Variants in SAMMSON observed in about 807,000 individuals in gnomAD.
SAMMSON encodes long intergenic non-protein coding RNA 1212.
At chr3:70,149,971 A>C (rs1000421996) in intron 4 of SAMMSON, among the ~76,000 whole-genome samples, 1 of 152,080 alleles carries the variant, frequency 6.6e-6, no homozygotes, top group Non-Finnish European at 1.5e-5. Context: ...TTACGTGTCC[A>C]GCTCTTTCTT....
At chr3:70,249,652 A>G (rs1169931563) in exon 6 of SAMMSON, 1 of 152,082 alleles carries the variant, frequency 6.6e-6, no homozygotes, top group Non-Finnish European at 1.5e-5. Context: ...AGAGCTGCCA[A>G]TTCCACAGTA....
chr3:70,303,688 T>G (rs1408171169), intron 7 of SAMMSON, among the ~76,000 whole-genome samples: 2 of 152,182 alleles, frequency 1.3e-5, no homozygotes, highest in African/African-American at 4.8e-5. Context: ...CTTTATTTTA[T>G]TTTATTTTTC....
chr3:70,034,077 G>A lies in SAMMSON; in HGVS notation n.417+20405G>A, dbSNP rs577641643. Among the ~76,000 whole-genome samples the A allele has an allele frequency of 3.9e-5, 6 of 152,210 alleles. No homozygotes were observed. The East Asian group carries it at 1.2e-3, about 30-fold the overall frequency. ...AGAAATTTGAAAGTTATTAACTTTT[G>A]TACTGGATACCATGGAATTAGATGA... On this transcript the variant is annotated intron_variant and non_coding_transcript_variant, in intron 3 of 9. Transcript: ENST00000642114.
intron 3 of SAMMSON, among the ~76,000 whole-genome samples, chr3:70,023,091 G>T (rs991897162): frequency 2.0e-5 from 3 of 152,084 alleles, no homozygotes; most frequent in African/African-American, 7.2e-5. Flanking sequence ...TCTCTGCTTT[G>T]ATGTTGGCTT....
At chr3:70,233,256 A>G (rs1193367488) in intron 4 of SAMMSON, among the ~76,000 whole-genome samples, 2 of 152,272 alleles carry the variant, frequency 1.3e-5, no homozygotes, top group African/African-American at 2.4e-5. Flanking sequence ...TCTGCAAAAG[A>G]TAAAAGCTGA....
intron 6 of SAMMSON, among the ~76,000 whole-genome samples, chr3:70,255,260 T>G (rs373596804): frequency 1.3e-5 from 2 of 152,176 alleles, no homozygotes; most frequent in African/African-American, 4.8e-5. Flanking sequence ...CAATGACACA[T>G]AAATTTTTGT....
intron 4 of SAMMSON, among the ~76,000 whole-genome samples, chr3:70,243,001 C>T (rs1479712456): frequency 1.3e-5 from 2 of 152,146 alleles, no homozygotes; most frequent in African/African-American, 4.8e-5. Flanking sequence ...AAGAGCAGAA[C>T]GATATAACCG....
chr3:70,342,363 G>A (rs1198793062), intron 7 of SAMMSON, among the ~76,000 whole-genome samples: 1 of 152,152 alleles, frequency 6.6e-6, no homozygotes, highest in East Asian at 1.9e-4. Flanking sequence ...TTGTTAATAA[G>A]TGGAAAATTT....
At chr3:70,222,004 A>G (rs6808840) in intron 4 of SAMMSON, among the ~76,000 whole-genome samples, 70,539 of 151,958 alleles carry the variant, frequency 0.46, 16,595 homozygotes, top group East Asian at 0.71. Context: ...AAAAATGTCA[A>G]GTGTTCCATA....
At position 70,343,317 on chromosome 3, in the gene SAMMSON, C is replaced by T. The variant is rs559468563; in HGVS notation, n.740-10858C>T. Among the ~76,000 whole-genome samples, 16 of 151,876 alleles carry T rather than the reference C, an allele frequency of 1.1e-4. No individual in the cohort carries two copies. In the South Asian group the frequency reaches 2.1e-3, roughly 20 times the overall value. ...TTAATATTAACTAAAGGTTCTTTTT[C>T]GGTTCCAGGATGTCATATAGGATAC... On this transcript the variant is annotated intron_variant and non_coding_transcript_variant, in intron 7 of 9. Coordinates refer to ENST00000642114, the Ensembl canonical transcript of SAMMSON.
Position 70,191,959 on chromosome 3 carries a change from A to G in SAMMSON, n.508-57148A>G, listed in dbSNP as rs569761750. Among the ~76,000 whole-genome samples, 4 of 150,094 alleles carry G rather than the reference A, an allele frequency of 2.7e-5. No individual in the cohort carries two copies. The East Asian group carries it at 7.7e-4, about 29-fold the overall frequency. Reference sequence around the variant, plus strand: ...TTAGAGAATGTAATAATATACCAAAATACTTAAATATTTTCTATATGATAT... The same window carrying G: ...TTAGAGAATGTAATAATATACCAAAGTACTTAAATATTTTCTATATGATAT... On this transcript the variant is annotated intron_variant and non_coding_transcript_variant, in intron 4 of 9. Coordinates refer to ENST00000642114, the Ensembl canonical transcript of SAMMSON.
At chr3:70,287,595 C>T (rs1470597558) in intron 6 of SAMMSON, among the ~76,000 whole-genome samples, 1 of 152,076 alleles carries the variant, frequency 6.6e-6, no homozygotes, top group South Asian at 2.1e-4. Flanking sequence ...GGAGGATTCC[C>T]TCTTTTTCTA....
At chr3:70,372,646 C>T (rs983067038) in intron 9 of SAMMSON, among the ~76,000 whole-genome samples, 1 of 152,134 alleles carries the variant, frequency 6.6e-6, no homozygotes, top group Non-Finnish European at 1.5e-5. Context: ...ATTCTAGATG[C>T]TGGTACTTTT....
At chr3:70,430,511 A>G (rs1232633815) in intron 2 of SAMMSON, among the ~76,000 whole-genome samples, 1 of 152,134 alleles carries the variant, frequency 6.6e-6, no homozygotes, top group Non-Finnish European at 1.5e-5. Flanking sequence ...TCTTTGAAAA[A>G]GAGACATTGA....
rs146951966 is a variant in SAMMSON, at chr3:70,154,488, A to G, written n.507+82923A>G. Among the ~76,000 whole-genome samples the G allele has an allele frequency of 1.7e-4, 26 of 152,092 alleles. No homozygotes were observed. The East Asian group carries it at 5.1e-3, about 30-fold the overall frequency. On this transcript the variant is annotated intron_variant and non_coding_transcript_variant, in intron 4 of 9. Transcript: ENST00000642114. The stretch of plus-strand genomic sequence containing the variant: ...TGCCTCTCATGTACCCCTCCCACTA[A>G]CAAGAGACTATACTTGAATTGATCT...
chr3:70,153,335 A>G (rs1474456264), intron 4 of SAMMSON, among the ~76,000 whole-genome samples: 1 of 152,008 alleles, frequency 6.6e-6, no homozygotes, highest in East Asian at 1.9e-4. Context: ...CAGAAACTTT[A>G]CAATGTCAGT....
intron 4 of SAMMSON, among the ~76,000 whole-genome samples, chr3:70,245,669 CTTTATA>C (rs1223513369): frequency 9.7e-5 from 7 of 72,216 alleles, no homozygotes; most frequent in South Asian, 4.8e-4. Flanking sequence ...TTGCAAACTG[CTTTATA>C]TATATATATA....
At chr3:70,006,415 C>G (rs2107575075) in intron 1 of SAMMSON, among the ~76,000 whole-genome samples, 1 of 152,248 alleles carries the variant, frequency 6.6e-6, no homozygotes, top group South Asian at 2.1e-4. Flanking sequence ...TGTATTTTTC[C>G]TGAGCCTTAT....
chr3:70,039,856 A>G (rs552883131), intron 3 of SAMMSON, among the ~76,000 whole-genome samples: 1 of 152,198 alleles, frequency 6.6e-6, no homozygotes, highest in East Asian at 1.9e-4. Flanking sequence ...ATACATTTGG[A>G]CAATGCTTTT....
Sources: gnomAD v4.1 joint callset for allele counts (sites outside exome capture counted in the v4.1 genomes callset) on GRCh38, gnomAD v4.1.1 for gene constraint, MANE v1.5 for transcripts, NCBI Gene and HGNC (gene_info 2026-07-23, HGNC 2026-07-21) for gene names.